The following WDFY3 variants were observed in gnomAD, a reference collection of about 807,000 sequenced individuals.
WDFY3 encodes the protein WD repeat and FYVE domain containing 3, also known as WD repeat and FYVE domain-containing protein 3.
In WDFY3, 66 loss-of-function variants were observed where a neutral mutation model predicts 409.6. That is an observed-to-expected ratio of 0.16 (90% CI 0.13 to 0.20). The LOEUF (loss-of-function observed/expected upper bound fraction) is 0.20, where lower values mean the gene tolerates loss of function less well. WDFY3 is among the 10% of genes least tolerant of loss of function. WDFY3 has a pLI of 1.00. For synonymous variants in WDFY3, 1,521 were observed against 1,537.1 expected, an observed-to-expected ratio of 0.99 and a Z score of 0.25; for missense variants, 3,031 against 4,298.1, an observed-to-expected ratio of 0.71 and a Z score of 8.24.
In WDFY3 at chr4:84,810,343, G is replaced by A; in HGVS notation, c.1889C>T (p.Ala630Val). The A allele has an allele frequency of 6.4e-7, 1 of 1,553,306 alleles. No homozygotes were observed. ...ELQLKTDILR[A>V]LLSVLRESHR... is the part of the protein sequence containing the mutation. Reference sequence around the variant, plus strand: ...GCTTTCTCGAAGGACCGACAGGAGGGCCTACAGGAGACAAAAGAAAAAACA... The same window carrying A: ...GCTTTCTCGAAGGACCGACAGGAGGACCTACAGGAGACAAAAGAAAAAACA... The change falls in exon 14 of 68, where the codon GCC (alanine) becomes GTC (valine). Residue 630 changes from alanine (A) to valine (V), a missense_variant and splice_region_variant. This residue lies in a region of WDFY3 where 1,322 missense variants were observed against 1,697.9 expected (regional missense o/e 0.78). Transcript: ENST00000295888.
intron 3 of WDFY3, among the ~76,000 whole-genome samples, chr4:84,888,930 T>A (rs1764582126): frequency 2.0e-5 from 3 of 152,288 alleles, no homozygotes; most frequent in African/African-American, 7.2e-5. Context: ...TTGTATTTTT[T>A]ATCTTCTTTT....
intron 67 of WDFY3, among the ~76,000 whole-genome samples, chr4:84,676,670 G>A (rs1192852473): frequency 6.6e-6 from 1 of 151,702 alleles, no homozygotes; most frequent in Non-Finnish European, 1.5e-5. Context: ...ATAACCGACA[G>A]TAGTTAAAAT....
chr4:84,843,990 A>G (rs1371801440), intron 5 of WDFY3, among the ~76,000 whole-genome samples: 1 of 152,192 alleles, frequency 6.6e-6, no homozygotes, highest in Admixed American at 6.5e-5. Flanking sequence ...AGAGTTGTCA[A>G]TCATTTGATT....
At chr4:84,781,543 G>A (rs1417091819) in intron 25 of WDFY3, among the ~76,000 whole-genome samples, 1 of 151,870 alleles carries the variant, frequency 6.6e-6, no homozygotes, top group African/African-American at 2.4e-5. Context: ...GAACCACCAT[G>A]CCCAGCCCAC....
At chr4:84,695,854 T>C (rs944340483) in intron 58 of WDFY3, 116 bp downstream of exon 58, 3 of 981,668 alleles carry the variant, frequency 3.1e-6, no homozygotes, top group Non-Finnish European at 4.5e-6. Flanking sequence ...CTAGGTGATA[T>C]TTATGGCTCT....
chr4:84,835,184 A>T (rs988506642), intron 7 of WDFY3, among the ~76,000 whole-genome samples: 8 of 152,208 alleles, frequency 5.3e-5, no homozygotes, highest in South Asian at 2.1e-4. Context: ...ATAATTTTTT[A>T]AAAAACTTTG....
chr4:84,675,536 A>C (rs1424582171), intron 67 of WDFY3, among the ~76,000 whole-genome samples: 1 of 152,214 alleles, frequency 6.6e-6, no homozygotes, highest in Non-Finnish European at 1.5e-5. Flanking sequence ...ACATTTACAG[A>C]TAAAGAAACC....
intron 14 of WDFY3, 191 bp downstream of exon 14, chr4:84,809,696 C>A: frequency 1.9e-6 from 1 of 535,632 alleles, no homozygotes; most frequent in Non-Finnish European, 3.2e-6. Context: ...ACACAGGCTT[C>A]CATGCTAAAA....
chr4:84,883,385 G>C (rs1367051230), intron 3 of WDFY3, among the ~76,000 whole-genome samples: 3 of 152,148 alleles, frequency 2.0e-5, no homozygotes, highest in Admixed American at 1.3e-4. Context: ...ATAAGTAACT[G>C]AAGTGAATAA....
intron 2 of WDFY3, among the ~76,000 whole-genome samples, chr4:84,897,900 A>T (rs1765851319): frequency 6.6e-6 from 1 of 152,220 alleles, no homozygotes; most frequent in African/African-American, 2.4e-5. Context: ...TTTAGAGATA[A>T]CAACTATTAA....
At chr4:84,808,204 TA>T (rs1751846120) in intron 15 of WDFY3, 129 bp downstream of exon 15, 4 of 777,354 alleles carry the variant, frequency 5.1e-6, no homozygotes, top group Non-Finnish European at 8.0e-6. Context: ...ACCCCAAAAG[TA>T]AAAACAAAAC....
chr4:84,946,136 G>A (rs187851204), intron 1 of WDFY3, among the ~76,000 whole-genome samples: 6 of 152,222 alleles, frequency 3.9e-5, no homozygotes, highest in East Asian at 1.9e-4. Context: ...AGACCCTTTT[G>A]GGAATGAAGG....
chr4:84,873,516 A>G (rs1299911116), intron 3 of WDFY3, among the ~76,000 whole-genome samples: 1 of 152,198 alleles, frequency 6.6e-6, no homozygotes, highest in Admixed American at 6.5e-5. Context: ...TCCTCACAGA[A>G]CTAAATGTAT....
At chr4:84,716,811 T>G in intron 49 of WDFY3, 85 bp downstream of exon 49, 2 of 1,168,464 alleles carry the variant, frequency 1.7e-6, no homozygotes, top group Non-Finnish European at 2.2e-6. Context: ...AAAATAAAAA[T>G]AAAAAATAAA....
At chr4:84,949,053 CT>C (rs1561142624) in intron 1 of WDFY3, among the ~76,000 whole-genome samples, 1 of 152,112 alleles carries the variant, frequency 6.6e-6, no homozygotes, top group Non-Finnish European at 1.5e-5. Flanking sequence ...TCCTCAGCGC[CT>C]GTAGTTAGTT....
intron 5 of WDFY3, among the ~76,000 whole-genome samples, chr4:84,849,447 C>A (rs1408865013): frequency 6.6e-6 from 1 of 151,858 alleles, no homozygotes; most frequent in Non-Finnish European, 1.5e-5. Context: ...AAAGATTCTC[C>A]TTCCTCAGTG....
At chr4:84,881,402 A>C (rs1315933810) in intron 3 of WDFY3, among the ~76,000 whole-genome samples, 1 of 152,172 alleles carries the variant, frequency 6.6e-6, no homozygotes, top group Non-Finnish European at 1.5e-5. Flanking sequence ...TATTTCTGAA[A>C]GTACTTTGCA....
At chr4:84,831,987 G>C (rs1013809227) in intron 7 of WDFY3, among the ~76,000 whole-genome samples, 2 of 152,120 alleles carry the variant, frequency 1.3e-5, no homozygotes, top group Non-Finnish European at 2.9e-5. Context: ...CCCCTACTGA[G>C]GGTATATATC....
intron 22 of WDFY3, 62 bp downstream of exon 22, chr4:84,789,664 C>T (rs998073585): frequency 4.6e-6 from 7 of 1,513,672 alleles, no homozygotes; most frequent in Admixed American, 1.7e-5. Flanking sequence ...CACACACACA[C>T]ACACACCCCC....
Sources: allele counts gnomAD v4.1 joint callset (sites outside exome capture counted in the v4.1 genomes callset), GRCh38; gene constraint gnomAD v4.1.1; regional missense constraint gnomAD v4.1.1; transcripts MANE v1.5; gene names NCBI Gene and HGNC (gene_info 2026-07-23, HGNC 2026-07-21).